The following PKN2 variants were observed in gnomAD, a reference collection of about 807,000 sequenced individuals.
The protein encoded by PKN2 is protein kinase N2.
PKN2 carries 38 observed loss-of-function variants against 119.1 expected under a neutral mutation model. The observed-to-expected ratio is 0.32, with a 90% confidence interval of 0.25 to 0.42. The LOEUF is 0.42. Among genes scored for constraint, PKN2 ranks in the 10% least tolerant of loss-of-function variants. The probability of loss-of-function intolerance (pLI) is 1.00; values close to 1 mark genes in which losing one functional copy is unlikely to be tolerated. For synonymous variants in PKN2, 390 were observed against 384.9 expected (o/e 1.01, Z -0.15); for missense variants, 850 against 1,165.1 (o/e 0.73, Z 3.94).
intron 7 of PKN2, among the ~76,000 whole-genome samples, chr1:88,785,334 G>A (rs2100830227): frequency 6.6e-6 from 1 of 152,138 alleles, no homozygotes; most frequent in Non-Finnish European, 1.5e-5. Flanking sequence ...ATGTTGCCCA[G>A]GATGGTCTCG....
intron 3 of PKN2, 112 bp downstream of exon 3, chr1:88,760,488 T>C (rs180682035): frequency 1.7e-6 from 1 of 583,342 alleles, no homozygotes; most frequent in East Asian, 3.2e-5. Flanking sequence ...TCAGTACTGG[T>C]GGCATGGCAC....
intron 1 of PKN2, chr1:88,684,861 T>A: frequency 2.1e-6 from 1 of 467,498 alleles, no homozygotes; most frequent in Non-Finnish European, 3.8e-6. Context: ...TGATTCTGCC[T>A]ACCAGAGGGG....
At chr1:88,808,494 TGGGG>T (rs1331147545) in intron 15 of PKN2, among the ~76,000 whole-genome samples, 2 of 151,738 alleles carry the variant, frequency 1.3e-5, no homozygotes, top group African/African-American at 4.8e-5. Context: ...TTAGTAGAAA[TGGGG>T]TTTCACCATG....
At chr1:88,749,781 T>C (rs1668914609) in intron 2 of PKN2, among the ~76,000 whole-genome samples, 4 of 152,234 alleles carry the variant, frequency 2.6e-5, no homozygotes, top group African/African-American at 9.6e-5. Flanking sequence ...AGAATATAGA[T>C]AAATAGTAAG....
At chr1:88,809,077 G>A (rs1208874995) in intron 15 of PKN2, among the ~76,000 whole-genome samples, 1 of 152,088 alleles carries the variant, frequency 6.6e-6, no homozygotes, top group Non-Finnish European at 1.5e-5. Context: ...GCCTCAAAAG[G>A]TTGAGATTTA....
chr1:88,777,145 A>G (rs766821825), intron 6 of PKN2, among the ~76,000 whole-genome samples: 2 of 152,114 alleles, frequency 1.3e-5, no homozygotes, highest in African/African-American at 2.4e-5. Flanking sequence ...TCTACCTTCA[A>G]ATTGGCTCAC....
chr1:88,802,257 G>A (rs1671343639), intron 8 of PKN2, among the ~76,000 whole-genome samples: 1 of 152,074 alleles, frequency 6.6e-6, no homozygotes, highest in Admixed American at 6.5e-5. Context: ...AGAATTCTAG[G>A]AAAGCTAGCT....
At chr1:88,713,591 G>A (rs551127807) in intron 1 of PKN2, among the ~76,000 whole-genome samples, 4 of 152,044 alleles carry the variant, frequency 2.6e-5, no homozygotes, top group African/African-American at 4.8e-5. Context: ...AGAAGTGTCC[G>A]TTCATATCCT....
At position 88,781,120 on chromosome 1, in the gene PKN2, A is replaced by G. The variant is rs539371310; in HGVS notation, c.986-3519A>G. 1.3e-3 allele frequency: 1,617 copies of G among 1,268,738 alleles called. 2 individuals carry two copies. Among genetic ancestry groups the G allele is most frequent in the Non-Finnish European group, 1.6e-3 (1,554 of 978,826 alleles). 78.6% of individuals were successfully genotyped at this position (1,268,738 alleles called of 1,614,324 possible). A position where few individuals can be genotyped will look rare whatever the true frequency, so the allele number is the denominator to read the frequency against. ...AGGGAGAGAAATACTACTGACATTA[A>G]TAGAAGACTACACATGACGAAAAGA... On this transcript the variant is annotated intron_variant, in intron 6 of 21. Transcript: ENST00000370521.
intron 1 of PKN2, among the ~76,000 whole-genome samples, chr1:88,695,919 T>G (rs1424386685): frequency 6.6e-6 from 1 of 152,196 alleles, no homozygotes; most frequent in Non-Finnish European, 1.5e-5. Context: ...CTTAGATGCC[T>G]TGTCTACCGT....
At chr1:88,805,095 A>AT (rs763646758) in intron 10 of PKN2, among the ~76,000 whole-genome samples, 174 bp downstream of exon 10, 3 of 152,174 alleles carry the variant, frequency 2.0e-5, no homozygotes, top group Non-Finnish European at 4.4e-5. Context: ...GACTAGTGAA[A>AT]TGTACAGTCA....
intron 1 of PKN2, among the ~76,000 whole-genome samples, chr1:88,731,302 T>G (rs1332183768): frequency 6.6e-6 from 1 of 152,234 alleles, no homozygotes; most frequent in Non-Finnish European, 1.5e-5. Flanking sequence ...ACTTTCCTTT[T>G]GAGGCACAGA....
chr1:88,821,968 G>A lies in PKN2; in HGVS notation c.2307G>A (p.Gly769=). Residue 769 remains glycine, a synonymous_variant, in exon 17 of 22, where the codon GGG becomes GGA. Transcript: ENST00000370521. ...TTTATGCTGCTTGTGTAGTTCTTGG[G>A]TTGCAGTATTTACATGAACACAAAA... ...AVFYAACVVL[G]LQYLHEHKIV... is the part of the protein sequence containing the mutation. The A allele has an allele frequency of 3.2e-6, 5 of 1,574,526 alleles. No homozygotes were observed. The highest frequency in any genetic ancestry group is 4.3e-6 in the Non-Finnish European group (5 of 1,164,666).
At chr1:88,807,840 T>C in intron 15 of PKN2, 65 bp downstream of exon 15, 1 of 870,800 alleles carries the variant, frequency 1.1e-6, no homozygotes, top group Non-Finnish European at 1.8e-6. Context: ...ATGATATATG[T>C]ATTACAACAG....
chr1:88,705,158 C>T (rs1440405722), intron 1 of PKN2, among the ~76,000 whole-genome samples: 1 of 150,348 alleles, frequency 6.7e-6, no homozygotes, highest in African/African-American at 2.4e-5. Context: ...CAGTATCTTT[C>T]CAGGAGCAGA....
At chr1:88,690,981 A>C (rs979418266) in intron 1 of PKN2, among the ~76,000 whole-genome samples, 1 of 152,224 alleles carries the variant, frequency 6.6e-6, no homozygotes, top group Non-Finnish European at 1.5e-5. Context: ...AATGGAATGT[A>C]GTTATGACAA....
Position 88,805,642 on chromosome 1 carries a change from A to G in PKN2, c.1647A>G (p.Val549=), listed in dbSNP as rs1225496037. Residue 549 remains valine, a synonymous_variant, in exon 11 of 22, where the codon GTA becomes GTG. Transcript: ENST00000370521. ...PVPTTVPVVD[V]RIPQLAPPAS... is the part of the protein sequence containing the mutation. ...CTACTACAGTGCCAGTGGTTGATGT[A>G]CGCATCCCTCAACTAGCACCTCCAG... The G allele has an allele frequency of 3.1e-6, 5 of 1,614,082 alleles. No individual in the cohort carries two copies. The highest frequency in any genetic ancestry group is 1.7e-4 in the Middle Eastern group (1 of 6,060).
intron 1 of PKN2, among the ~76,000 whole-genome samples, chr1:88,707,894 A>T (rs1667064869): frequency 6.6e-6 from 1 of 152,158 alleles, no homozygotes; most frequent in South Asian, 2.1e-4. Context: ...AGTAATCCAT[A>T]TGTAACTTAT....
chr1:88,811,235 A>G (rs748316278), intron 15 of PKN2, among the ~76,000 whole-genome samples: 40 of 152,280 alleles, frequency 2.6e-4, no homozygotes, highest in Non-Finnish European at 4.4e-4. Context: ...ACACAACAGA[A>G]TAGGGTTGGA....
Sources: gnomAD v4.1 joint callset for allele counts (sites outside exome capture counted in the v4.1 genomes callset) on GRCh38, gnomAD v4.1.1 for gene constraint, MANE v1.5 for transcripts, NCBI Gene and HGNC (gene_info 2026-07-23, HGNC 2026-07-21) for gene names.